EFCAB5: variants seen among roughly 807,000 people sequenced by gnomAD.
EFCAB5 encodes EF-hand calcium binding domain 5.
A neutral mutation model predicts 167.9 loss-of-function variants in EFCAB5; 131 were observed. The observed-to-expected ratio is 0.78, with a 90% confidence interval of 0.68 to 0.90. EFCAB5 has a LOEUF of 0.90. EFCAB5 is among the 40% of genes least tolerant of loss of function. The pLI is 0.00. For missense variants in EFCAB5, 1,663 were observed against 1,745.2 expected (o/e 0.95, Z 0.84); for synonymous variants, 574 against 602.8 (o/e 0.95, Z 0.70).
At chr17:29,968,444 G>A in intron 3 of EFCAB5, 1 of 388,828 alleles carries the variant, frequency 2.6e-6, no homozygotes, top group South Asian at 1.9e-5. Context: ...CTCAAGAGGA[G>A]AAAAACCCTT....
intron 1 of EFCAB5, among the ~76,000 whole-genome samples, chr17:29,932,839 C>T (rs900669204): frequency 1.3e-5 from 2 of 151,998 alleles, no homozygotes; most frequent in Admixed American, 6.6e-5. Flanking sequence ...CATTTTTGTT[C>T]CACATATCTA....
chr17:30,088,108 T>G (rs529323478), intron 19 of EFCAB5, among the ~76,000 whole-genome samples: 1 of 152,310 alleles, frequency 6.6e-6, no homozygotes, highest in African/African-American at 2.4e-5. Flanking sequence ...TGGGACATAT[T>G]TACTCTTTTT....
intron 14 of EFCAB5, chr17:30,065,785 T>C (rs553877539): frequency 2.0e-5 from 3 of 152,178 alleles, no homozygotes; most frequent in Admixed American, 1.3e-4. Context: ...TTCACGTGAA[T>C]GGAAATTGAA....
intron 3 of EFCAB5, among the ~76,000 whole-genome samples, chr17:29,946,429 C>CTTTTT (rs58247381): frequency 1.5e-4 from 13 of 85,440 alleles, no homozygotes; most frequent in African/African-American, 3.0e-4. Flanking sequence ...ATGGAAATTT[C>CTTTTT]TTTTTTTTTT....
rs762766956 is a variant in EFCAB5 at position 30,080,092 on chromosome 17, TA to T, written c.3053del (p.Lys1018ArgfsTer9). Reference sequence around the variant, plus strand: ...TGTAGGATGCTGAAGCCCATGGAAATAAAAAGATCAGTGCTCACATTTCCCT... The same window carrying T: ...TGTAGGATGCTGAAGCCCATGGAAATAAAAGATCAGTGCTCACATTTCCCT... Reference protein sequence around the residue: ...LMQDAEAHGNKKISAHISLLE... With the variant: ...LMQDAEAHGNXKISAHISLLE... On this transcript the variant is annotated frameshift_variant, in exon 16 of 23. Coordinates refer to ENST00000394835, the MANE Select transcript of EFCAB5 (RefSeq NM_198529.4). LOFTEE classifies it high-confidence loss of function. 1 of 1,608,306 alleles carries T rather than the reference TA, an allele frequency of 6.2e-7. No individual in the cohort carries two copies. Among genetic ancestry groups the T allele is most frequent in the South Asian group, 1.1e-5 (1 of 90,052 alleles).
chr17:29,954,074 G>A (rs1165571773), intron 3 of EFCAB5, among the ~76,000 whole-genome samples: 1 of 152,206 alleles, frequency 6.6e-6, no homozygotes, highest in East Asian at 1.9e-4. Flanking sequence ...GGTTCAAGAG[G>A]AAGCAGAGCA....
rs149087339 is a variant in EFCAB5 at position 30,000,812 on chromosome 17, A to G, written c.1044+836A>G. 4.1e-3 allele frequency among the ~76,000 whole-genome samples: 622 copies of G among 152,232 alleles called. 5 individuals carry two copies. Among genetic ancestry groups the G allele is most frequent in the African/African-American group, 0.014 (590 of 41,542 alleles). On this transcript the variant is annotated intron_variant, in intron 7 of 22. Coordinates refer to ENST00000394835, the MANE Select transcript of EFCAB5 (RefSeq NM_198529.4). ...GTTTTCTTAGATTCTGTGTTTGTCT[A>G]TTTGTCATGCATTACTCACAAGGCC...
At chr17:30,084,738 A>T (rs940021690) in intron 18 of EFCAB5, among the ~76,000 whole-genome samples, 1 of 152,152 alleles carries the variant, frequency 6.6e-6, no homozygotes, top group African/African-American at 2.4e-5. Flanking sequence ...TCTGTGTCTC[A>T]AAGATAAACC....
intron 3 of EFCAB5, chr17:29,968,224 A>G (rs2067874024): frequency 2.5e-6 from 1 of 407,490 alleles, no homozygotes; most frequent in African/African-American, 2.1e-5. Context: ...GTAGCAGATG[A>G]AAATCACTTG....
Position 30,024,933 on chromosome 17 carries a change from A to C in EFCAB5, c.1045-9297A>C, listed in dbSNP as rs905569692. 4.4e-4 allele frequency among the ~76,000 whole-genome samples: 67 copies of C among 151,134 alleles called. 5 individuals are homozygous for C. The East Asian group carries it at 5.0e-3, about 11-fold the overall frequency. On this transcript the variant is annotated intron_variant, in intron 7 of 22. Transcript: ENST00000394835. ...AACCTGAGAAAAACAAGCAATGGGG[A>C]AAGGATTCCCTATTTAATCAATGGT... is the stretch of plus-strand genomic sequence containing the variant.
chr17:30,032,633 T>C (rs2069508050), intron 7 of EFCAB5, among the ~76,000 whole-genome samples: 1 of 152,184 alleles, frequency 6.6e-6, no homozygotes, highest in African/African-American at 2.4e-5. Flanking sequence ...TCCTTTTAGT[T>C]TCCCAACATA....
rs1398155729 is a variant in EFCAB5 at position 30,015,764 on chromosome 17, T to C, written c.1044+15788T>C. 2.9e-4 allele frequency among the ~76,000 whole-genome samples: 44 copies of C among 151,020 alleles called. 2 individuals carry two copies. Among genetic ancestry groups the C allele is most frequent in the South Asian group, 2.1e-4 (1 of 4,802 alleles). ...ATTGTTCTTATTGGTTATTTCTTTT[T>C]TTTTTTTTTTTTCTTTTGAGGTGGA... On this transcript the variant is annotated intron_variant, in intron 7 of 22. Transcript: ENST00000394835.
rs768899153 is a variant in EFCAB5, at chr17:30,080,942, A to C, written c.3387A>C (p.Glu1129Asp). ...TTGATACCCTTAGAGATCCCCACGAAATAAACATCTTTCTACCTCATGAGA... is the reference window on the plus strand; with the variant it reads ...TTGATACCCTTAGAGATCCCCACGACATAAACATCTTTCTACCTCATGAGA... Reference protein sequence around the residue: ...LAVDTLRDPHEINIFLPHEIR... With the variant: ...LAVDTLRDPHDINIFLPHEIR... Residue 1129 changes from glutamate to aspartate, a missense_variant, in exon 17 of 23, where the codon GAA becomes GAC. Coordinates refer to ENST00000394835, the MANE Select transcript of EFCAB5 (RefSeq NM_198529.4). The C allele has an allele frequency of 6.2e-7, 1 of 1,613,418 alleles. No homozygotes were observed. Among genetic ancestry groups the C allele is most frequent in the Admixed American group, 1.7e-5 (1 of 60,006 alleles).
At chr17:30,095,476 T>A (rs1044953769) in intron 22 of EFCAB5, among the ~76,000 whole-genome samples, 3 of 152,210 alleles carry the variant, frequency 2.0e-5, no homozygotes, top group Non-Finnish European at 2.9e-5. Context: ...CTCACAGTCC[T>A]AATTAACTTT....
chr17:30,012,776 C>T (rs1283722872), intron 7 of EFCAB5, among the ~76,000 whole-genome samples: 2 of 152,132 alleles, frequency 1.3e-5, no homozygotes, highest in Non-Finnish European at 2.9e-5. Flanking sequence ...GGGACTGGTC[C>T]CTACAGAATA....
At chr17:30,068,792 A>C in intron 14 of EFCAB5, 4 of 1,359,858 alleles carry the variant, frequency 2.9e-6, no homozygotes, top group Non-Finnish European at 4.2e-6. Flanking sequence ...CGGGCCCGCG[A>C]AATGATTTCT....
chr17:29,953,449 A>T (rs2067552744), intron 3 of EFCAB5, among the ~76,000 whole-genome samples: 1 of 152,084 alleles, frequency 6.6e-6, no homozygotes, highest in Non-Finnish European at 1.5e-5. Flanking sequence ...TGCTGTTCTC[A>T]TGATAGTGAG....
intron 5 of EFCAB5, among the ~76,000 whole-genome samples, chr17:29,994,099 G>A (rs1410896415): frequency 3.1e-5 from 4 of 127,554 alleles, no homozygotes; most frequent in Non-Finnish European, 4.9e-5. Flanking sequence ...GAGGGACTAC[G>A]TCTCTTAAAA....
upstream of EFCAB5, among the ~76,000 whole-genome samples, chr17:29,938,890 A>G (rs990376336): frequency 6.6e-6 from 1 of 152,200 alleles, no homozygotes; most frequent in East Asian, 1.9e-4. Flanking sequence ...AACTTCTTCC[A>G]AACTCTGTTA....
Sources: allele counts gnomAD v4.1 joint callset (sites outside exome capture counted in the v4.1 genomes callset), GRCh38; gene constraint gnomAD v4.1.1; transcripts MANE v1.5; gene names NCBI Gene and HGNC (gene_info 2026-07-23, HGNC 2026-07-21).